Variants in DIAPH3 observed in about 807,000 individuals in gnomAD.
The protein encoded by DIAPH3 is diaphanous related formin 3.
DIAPH3 carries 117 observed loss-of-function variants against 144.3 expected under a neutral mutation model. That is an observed-to-expected ratio of 0.81 (90% confidence interval 0.70 to 0.95). The LOEUF is 0.95. DIAPH3 is among the 40% of genes least tolerant of loss of function. The probability of loss-of-function intolerance (pLI) is 0.00; values close to 1 mark genes in which losing one functional copy is unlikely to be tolerated. For missense variants in DIAPH3, 1,421 were observed against 1,412.7 expected, an observed-to-expected ratio of 1.01 and a Z score of -0.09; for synonymous variants, 519 against 488.9, an observed-to-expected ratio of 1.06 and a Z score of -0.81.
intron 25 of DIAPH3, among the ~76,000 whole-genome samples, chr13:59,799,811 G>T (rs944931039): frequency 6.6e-6 from 1 of 152,116 alleles, no homozygotes; most frequent in African/African-American, 2.4e-5. Flanking sequence ...TTTTATTTTT[G>T]TAAGATTTAT....
intron 5 of DIAPH3, among the ~76,000 whole-genome samples, chr13:60,040,960 T>A (rs2055620186): frequency 6.6e-6 from 1 of 152,052 alleles, no homozygotes; most frequent in South Asian, 2.1e-4. Flanking sequence ...ATTACAGGCG[T>A]CTGCCACCAT....
intron 1 of DIAPH3, among the ~76,000 whole-genome samples, chr13:60,162,809 T>TCTCTCTCA (rs1555388530): frequency 4.9e-5 from 6 of 122,518 alleles, no homozygotes; most frequent in South Asian, 5.9e-4. Context: ...TCTCTCTCTC[T>TCTCTCTCA]CACACACACA....
At chr13:59,719,555 A>AGGCAATG (rs1216015720) in intron 27 of DIAPH3, among the ~76,000 whole-genome samples, 1 of 152,034 alleles carries the variant, frequency 6.6e-6, no homozygotes, top group East Asian at 1.9e-4. Context: ...AACACATTCC[A>AGGCAATG]GGCAATGGGT....
chr13:59,899,847 A>G (rs1477126013), intron 20 of DIAPH3, among the ~76,000 whole-genome samples: 1 of 151,172 alleles, frequency 6.6e-6, no homozygotes, highest in Non-Finnish European at 1.5e-5. Context: ...AGAGATCAAT[A>G]TAAGTCACAG....
At chr13:59,689,899 T>C (rs2033414202) in intron 27 of DIAPH3, among the ~76,000 whole-genome samples, 1 of 151,966 alleles carries the variant, frequency 6.6e-6, no homozygotes, top group African/African-American at 2.4e-5. Flanking sequence ...TTCCAGGACA[T>C]TTTTTTATGC....
At chr13:60,085,876 G>A (rs554053434) in intron 4 of DIAPH3, among the ~76,000 whole-genome samples, 3 of 152,044 alleles carry the variant, frequency 2.0e-5, no homozygotes, top group African/African-American at 7.2e-5. Context: ...AAGTAAGTAC[G>A]AGCATAGCAA....
At chr13:60,129,066 T>C (rs1013438176) in intron 2 of DIAPH3, among the ~76,000 whole-genome samples, 1 of 152,160 alleles carries the variant, frequency 6.6e-6, no homozygotes, top group East Asian at 1.9e-4. Context: ...AGTACTATAC[T>C]GTAGACAAAT....
chr13:59,827,589 G>A (rs2041515632), intron 24 of DIAPH3, among the ~76,000 whole-genome samples: 1 of 151,900 alleles, frequency 6.6e-6, no homozygotes, highest in Admixed American at 6.6e-5. Flanking sequence ...TTTTGGATAA[G>A]GAAAGAGAAT....
At chr13:59,998,757 G>C (rs1185977034) in intron 9 of DIAPH3, among the ~76,000 whole-genome samples, 3 of 151,950 alleles carry the variant, frequency 2.0e-5, no homozygotes, top group Non-Finnish European at 4.4e-5. Flanking sequence ...TGTTTTAATT[G>C]ATTGGTACTT....
intron 5 of DIAPH3, among the ~76,000 whole-genome samples, chr13:60,037,942 TATTGAGAGG>T (rs2055349062): frequency 6.6e-6 from 1 of 152,016 alleles, no homozygotes; most frequent in Middle Eastern, 3.2e-3. Flanking sequence ...TATGAAACAA[TATTGAGAGG>T]AAATACAACT....
At chr13:59,820,064 T>A (rs2040981332) in intron 24 of DIAPH3, among the ~76,000 whole-genome samples, 1 of 151,908 alleles carries the variant, frequency 6.6e-6, no homozygotes, top group Admixed American at 6.6e-5. Context: ...ACATCAACAA[T>A]TTTTTATTAT....
intron 1 of DIAPH3, among the ~76,000 whole-genome samples, chr13:60,159,275 C>T (rs908085476): frequency 3.3e-5 from 5 of 152,118 alleles, no homozygotes; most frequent in African/African-American, 1.2e-4. Flanking sequence ...AGAAAAGAAG[C>T]AGTAAAGATT....
At chr13:59,788,298 C>T (rs370409308) in intron 25 of DIAPH3, among the ~76,000 whole-genome samples, 12 of 152,146 alleles carry the variant, frequency 7.9e-5, no homozygotes, top group African/African-American at 2.4e-4. Context: ...GCAATCACTT[C>T]GGAATATAAT....
At chr13:59,690,024 A>G (rs2033420966) in intron 27 of DIAPH3, among the ~76,000 whole-genome samples, 1 of 152,088 alleles carries the variant, frequency 6.6e-6, no homozygotes. Flanking sequence ...ACCAAGGCCC[A>G]GAGATATTAA....
At chr13:59,735,414 C>CA (rs2036094731) in intron 27 of DIAPH3, among the ~76,000 whole-genome samples, 1 of 152,028 alleles carries the variant, frequency 6.6e-6, no homozygotes, top group Non-Finnish European at 1.5e-5. Context: ...TCTTCAATGG[C>CA]AAAAAATATT....
chr13:59,929,485 AC>A (rs2047911004), intron 17 of DIAPH3, among the ~76,000 whole-genome samples: 1 of 150,408 alleles, frequency 6.6e-6, no homozygotes, highest in Non-Finnish European at 1.5e-5. Context: ...TGTCTTAAGT[AC>A]TATAGATTTA....
At chr13:59,782,979 G>A (rs2038822801) in intron 25 of DIAPH3, among the ~76,000 whole-genome samples, 1 of 152,114 alleles carries the variant, frequency 6.6e-6, no homozygotes, top group Admixed American at 6.5e-5. Context: ...AACTCACCAA[G>A]GGCTGAATAT....
intron 7 of DIAPH3, among the ~76,000 whole-genome samples, chr13:60,014,025 A>G (rs1320162222): frequency 1.3e-5 from 2 of 152,204 alleles, no homozygotes; most frequent in South Asian, 2.1e-4. Context: ...GAAAAATAGT[A>G]TATTAATTAG....
rs567840369 is a variant in DIAPH3, at chr13:59,729,743, T to C, written c.3319+44446A>G. Among the ~76,000 whole-genome samples, 6 of 151,440 alleles carry C rather than the reference T, an allele frequency of 4.0e-5. No homozygotes were observed. In the East Asian group the frequency reaches 7.8e-4, roughly 20 times the overall value. ...CCTGGTTATGTACTAGATATTACTA[T>C]TGGGGGAAAACTGGGTCCAAGGAAT... is the stretch of plus-strand genomic sequence containing the variant. On this transcript the variant is annotated intron_variant, in intron 27 of 27. Coordinates refer to ENST00000400324, the MANE Select transcript of DIAPH3 (RefSeq NM_001042517.2).
Sources: allele counts gnomAD v4.1 joint callset (sites outside exome capture counted in the v4.1 genomes callset), GRCh38; gene constraint gnomAD v4.1.1; transcripts MANE v1.5; gene names NCBI Gene and HGNC (gene_info 2026-07-23, HGNC 2026-07-21).